VPS8: variants seen among roughly 807,000 people sequenced by gnomAD.
VPS8 encodes VPS8 subunit of CORVET complex.
VPS8 carries 129 observed loss-of-function variants against 216.4 expected under a neutral mutation model. The observed-to-expected ratio is 0.60, with a 90% CI of 0.52 to 0.69. The LOEUF (loss-of-function observed/expected upper bound fraction) is 0.69. VPS8 is among the 30% of genes least tolerant of loss of function. The pLI is 0.00. For synonymous variants in VPS8, 571 were observed against 565.4 expected, an observed-to-expected ratio of 1.01 and a Z score of -0.14; for missense variants, 1,531 against 1,683.5, an observed-to-expected ratio of 0.91 and a Z score of 1.59.
intron 36 of VPS8, among the ~76,000 whole-genome samples, chr3:184,956,615 C>A (rs1300030339): frequency 1.3e-5 from 2 of 152,260 alleles, no homozygotes; most frequent in East Asian, 3.9e-4. Context: ...ATTCTTAGGT[C>A]TCCAATGAAC....
chr3:185,011,479 A>T (rs1271052122), intron 45 of VPS8, among the ~76,000 whole-genome samples: 1 of 152,236 alleles, frequency 6.6e-6, no homozygotes, highest in Non-Finnish European at 1.5e-5. Context: ...AGAAAGAAGC[A>T]TGCCACAGAA....
At chr3:184,999,553 C>T in intron 44 of VPS8, 143 bp from the exon 45 acceptor site, 1 of 962,724 alleles carries the variant, frequency 1.0e-6, no homozygotes, top group Non-Finnish European at 1.5e-6. Context: ...CAAGTACATT[C>T]CCTTTCTTGT....
intron 36 of VPS8, among the ~76,000 whole-genome samples, chr3:184,945,848 A>G (rs1743591803): frequency 6.6e-6 from 1 of 152,148 alleles, no homozygotes; most frequent in South Asian, 2.1e-4. Context: ...GCTTTTATGG[A>G]TAATTAGGTG....
At chr3:184,876,724 C>T (rs1031943197) in intron 21 of VPS8, among the ~76,000 whole-genome samples, 1 of 152,152 alleles carries the variant, frequency 6.6e-6, no homozygotes, top group Non-Finnish European at 1.5e-5. Flanking sequence ...GCTATTCTGC[C>T]TCCTGACAGT....
At chr3:184,972,623 A>C (rs1022257921) in intron 40 of VPS8, among the ~76,000 whole-genome samples, 1 of 152,224 alleles carries the variant, frequency 6.6e-6, no homozygotes, top group Non-Finnish European at 1.5e-5. Context: ...AGCTCCCTTC[A>C]TGATTCCAAT....
chr3:184,879,748 G>A (rs749112305), intron 21 of VPS8, among the ~76,000 whole-genome samples: 1 of 152,162 alleles, frequency 6.6e-6, no homozygotes, highest in Non-Finnish European at 1.5e-5. Flanking sequence ...TCTGTAGGAA[G>A]TTGAGTCTTT....
intron 46 of VPS8, among the ~76,000 whole-genome samples, chr3:185,042,055 AT>A (rs1711764533): frequency 6.6e-6 from 1 of 152,196 alleles, no homozygotes; most frequent in South Asian, 2.1e-4. Context: ...TTCTACAAAT[AT>A]CCTAGGTGTG....
chr3:184,919,963 T>G (rs1738323547), intron 28 of VPS8, among the ~76,000 whole-genome samples, 164 bp from the exon 29 acceptor site: 1 of 152,146 alleles, frequency 6.6e-6, no homozygotes. Flanking sequence ...TCTACTTGAC[T>G]CACTAAAAAT....
chr3:185,039,972 T>G (rs1759422019), intron 46 of VPS8, among the ~76,000 whole-genome samples: 1 of 152,202 alleles, frequency 6.6e-6, no homozygotes, highest in Non-Finnish European at 1.5e-5. Context: ...AGTCGTAGAT[T>G]GTTTTTAACT....
intron 26 of VPS8, among the ~76,000 whole-genome samples, chr3:184,914,411 AG>A (rs1737138794): frequency 6.6e-6 from 1 of 152,226 alleles, no homozygotes; most frequent in South Asian, 2.1e-4. Context: ...TGACATTTGT[AG>A]TAATTCAGCT....
chr3:184,842,014 TG>T (rs1722228451), intron 7 of VPS8, among the ~76,000 whole-genome samples: 1 of 152,032 alleles, frequency 6.6e-6, no homozygotes, highest in Non-Finnish European at 1.5e-5. Flanking sequence ...TGTTGATTTT[TG>T]GTTCCCATTT....
chr3:184,981,428 CTTTTTTTTTTT>C (rs67454758), intron 40 of VPS8, among the ~76,000 whole-genome samples: 29 of 68,512 alleles, frequency 4.2e-4, no homozygotes, highest in Non-Finnish European at 6.4e-4. Flanking sequence ...GCAGTGGGTT[CTTTTTTTTTTT>C]TTTTTTTTTT....
intron 30 of VPS8, among the ~76,000 whole-genome samples, chr3:184,926,301 C>T (rs138561564): frequency 0.031 from 4,709 of 151,582 alleles, 256 homozygotes; most frequent in African/African-American, 0.11. Context: ...CACTTGAACC[C>T]GGGAGGCAGA....
rs573642226 is a variant in VPS8 at position 184,971,512 on chromosome 3, T to A, written c.3317-137T>A. ...ATCTGTTTTTTAATCTATAAAACATTAGCATCAGGTTTTATTAATTATTAT... is the reference window on the plus strand; with the variant it reads ...ATCTGTTTTTTAATCTATAAAACATAAGCATCAGGTTTTATTAATTATTAT... On this transcript the variant is annotated intron_variant, in intron 39 of 47. Transcript: ENST00000625842. 1.8e-5 allele frequency: 10 copies of A among 558,264 alleles called. No homozygotes were observed. In the African/African-American group the frequency reaches 1.9e-4, roughly 11 times the overall value. 34.6% of individuals were successfully genotyped at this position (558,264 alleles called of 1,614,324 possible).
intron 36 of VPS8, among the ~76,000 whole-genome samples, chr3:184,948,488 A>G (rs1463558486): frequency 6.6e-6 from 1 of 152,178 alleles, no homozygotes; most frequent in Non-Finnish European, 1.5e-5. Context: ...CAGCCGTTGC[A>G]CTACAGCCTG....
chr3:184,914,062 G>T (rs1048970398), intron 26 of VPS8, among the ~76,000 whole-genome samples: 2 of 152,188 alleles, frequency 1.3e-5, no homozygotes, highest in Non-Finnish European at 2.9e-5. Flanking sequence ...CTGGAGCAGG[G>T]TTCATTCTAG....
chr3:184,823,783 A>C (rs191316291), intron 1 of VPS8, among the ~76,000 whole-genome samples: 1 of 152,332 alleles, frequency 6.6e-6, no homozygotes, highest in Admixed American at 6.5e-5. Flanking sequence ...GCTTTCTAAA[A>C]ATGACAGTTT....
At chr3:185,031,670 A>T (rs556803948) in intron 46 of VPS8, among the ~76,000 whole-genome samples, 1 of 152,334 alleles carries the variant, frequency 6.6e-6, no homozygotes, top group East Asian at 1.9e-4. Context: ...TACTATGTGA[A>T]TGGAGATGTC....
intron 46 of VPS8, among the ~76,000 whole-genome samples, chr3:185,045,338 T>TCC (rs1443919022): frequency 6.6e-6 from 1 of 152,198 alleles, no homozygotes; most frequent in East Asian, 1.9e-4. Flanking sequence ...TCTGTGACTG[T>TCC]CCGTGTCTTC....
Sources: allele counts gnomAD v4.1 joint callset (sites outside exome capture counted in the v4.1 genomes callset), GRCh38; gene constraint gnomAD v4.1.1; transcripts MANE v1.5; gene names NCBI Gene and HGNC (gene_info 2026-07-23, HGNC 2026-07-21).